The following ZRANB3 variants were observed in gnomAD, a reference collection of about 807,000 sequenced individuals.
ZRANB3 encodes the protein zinc finger RANBP2-type containing 3, also known as DNA annealing helicase and endonuclease ZRANB3.
In ZRANB3, 125 loss-of-function variants were observed where a neutral mutation model predicts 133.8. That is an observed-to-expected ratio of 0.93 (90% confidence interval 0.81 to 1.08). ZRANB3 has a LOEUF of 1.08. Among genes scored for constraint, ZRANB3 ranks in the 50% least tolerant of loss-of-function variants. ZRANB3 has a pLI of 0.00. For missense variants in ZRANB3, 1,229 were observed against 1,275.5 expected (o/e 0.96, Z 0.56); for synonymous variants, 387 against 432.7 (o/e 0.89, Z 1.31).
intron 12 of ZRANB3, among the ~76,000 whole-genome samples, chr2:135,239,270 G>A (rs1695442983): frequency 6.6e-6 from 1 of 152,110 alleles, no homozygotes; most frequent in African/African-American, 2.4e-5. Context: ...GAGAGTGATT[G>A]CTACATAATT....
At chr2:135,491,636 C>T (rs1204825588) in intron 2 of ZRANB3, among the ~76,000 whole-genome samples, 1 of 152,110 alleles carries the variant, frequency 6.6e-6, no homozygotes, top group Non-Finnish European at 1.5e-5. Context: ...GCCTCAGTGT[C>T]CCAGGTAGCT....
chr2:135,404,332 A>G (rs571166853), intron 2 of ZRANB3, among the ~76,000 whole-genome samples: 2 of 152,218 alleles, frequency 1.3e-5, no homozygotes, highest in Admixed American at 6.5e-5. Context: ...AATTCTATCA[A>G]CTGGAAGAAA....
chr2:135,202,431 C>G (rs956971509), intron 20 of ZRANB3: 1 of 153,150 alleles, frequency 6.5e-6, no homozygotes, highest in African/African-American at 2.4e-5. Context: ...GAAACCTTTG[C>G]ATGTTGAACT....
chr2:135,455,771 T>G (rs1317246107), intron 2 of ZRANB3, among the ~76,000 whole-genome samples: 2 of 151,626 alleles, frequency 1.3e-5, no homozygotes, highest in East Asian at 3.9e-4. Context: ...TCTTTTTGAA[T>G]TTTTAGTAGA....
Position 135,526,907 on chromosome 2 carries a change from T to C in ZRANB3, c.-8+4220A>G, listed in dbSNP as rs919047717. 2.6e-5 allele frequency among the ~76,000 whole-genome samples: 4 copies of C among 152,210 alleles called. No individual in the cohort carries two copies. In the South Asian group the frequency reaches 6.2e-4, roughly 24 times the overall value. On this transcript the variant is annotated intron_variant, in intron 1 of 20. Coordinates refer to ENST00000264159, the MANE Select transcript of ZRANB3 (RefSeq NM_032143.4). Reference sequence around the variant, plus strand: ...TAACCTGAGCATTCCTTTCTGTCAATCCCAGGTCTTCAAACAACCTCAACC... The same window carrying C: ...TAACCTGAGCATTCCTTTCTGTCAACCCCAGGTCTTCAAACAACCTCAACC...
intron 3 of ZRANB3, among the ~76,000 whole-genome samples, chr2:135,374,676 A>AT (rs2104903791): frequency 6.6e-6 from 1 of 151,952 alleles, no homozygotes; most frequent in African/African-American, 2.4e-5. Flanking sequence ...TAATTTTTGT[A>AT]TTTTTGGTAG....
chr2:135,517,189 T>C (rs1040447406), intron 1 of ZRANB3, among the ~76,000 whole-genome samples: 1 of 152,184 alleles, frequency 6.6e-6, no homozygotes, highest in Middle Eastern at 3.4e-3. Context: ...TTTTTCGAAG[T>C]TCTTAGCTTC....
intron 2 of ZRANB3, among the ~76,000 whole-genome samples, chr2:135,408,168 A>G (rs1421781740): frequency 3.3e-5 from 5 of 152,036 alleles, no homozygotes; most frequent in African/African-American, 4.8e-5. Flanking sequence ...GGCAAAGGAT[A>G]TGAACAGACA....
intron 2 of ZRANB3, among the ~76,000 whole-genome samples, chr2:135,474,168 G>C (rs185622188): frequency 9.4e-4 from 143 of 152,158 alleles, no homozygotes; most frequent in African/African-American, 3.3e-3. Context: ...TCTGGCCTGG[G>C]AGACAGATCA....
Position 135,198,448 on chromosome 2 carries a change from T to C in ZRANB3, c.*1894A>G, listed in dbSNP as rs1232072871. 6.6e-6 allele frequency: 1 copy of C among 152,254 alleles called. No individual in the cohort carries two copies. Among genetic ancestry groups the C allele is most frequent in the East Asian group, 1.9e-4 (1 of 5,198 alleles). 9.4% of individuals were successfully genotyped at this position (152,254 alleles called of 1,614,324 possible). On this transcript the variant is annotated 3_prime_UTR_variant, in exon 21 of 21. Transcript: ENST00000264159. ...TGTACAGCAAATGCTCAATGCTCCT[T>C]ACGGCATTTTTAATTAGTCAGAATT...
intron 2 of ZRANB3, among the ~76,000 whole-genome samples, chr2:135,436,076 G>A (rs942725903): frequency 2.2e-4 from 34 of 152,130 alleles, no homozygotes; most frequent in Admixed American, 2.2e-3. Context: ...GTCTAGGATT[G>A]TACTGCCTAG....
chr2:135,232,231 G>A (rs947650300), intron 12 of ZRANB3, among the ~76,000 whole-genome samples: 5 of 152,248 alleles, frequency 3.3e-5, no homozygotes, highest in African/African-American at 1.2e-4. Flanking sequence ...CAAGGCTGCA[G>A]TGAGGCTGGG....
At chr2:135,277,461 G>A (rs1294496759) in intron 8 of ZRANB3, among the ~76,000 whole-genome samples, 1 of 152,068 alleles carries the variant, frequency 6.6e-6, no homozygotes, top group Non-Finnish European at 1.5e-5. Context: ...CACATATACA[G>A]AGCTAAGAAA....
At chr2:135,344,700 G>A (rs1252148300) in intron 6 of ZRANB3, among the ~76,000 whole-genome samples, 2 of 152,118 alleles carry the variant, frequency 1.3e-5, no homozygotes, top group Non-Finnish European at 2.9e-5. Flanking sequence ...TTGTACCACT[G>A]CACTCCATCC....
chr2:135,387,847 C>A (rs1468827535), intron 3 of ZRANB3, among the ~76,000 whole-genome samples: 1 of 151,988 alleles, frequency 6.6e-6, no homozygotes, highest in Admixed American at 6.6e-5. Context: ...GTGAAAAGTG[C>A]TATGTAATTG....
At chr2:135,520,697 G>A (rs2104842098) in intron 1 of ZRANB3, among the ~76,000 whole-genome samples, 1 of 152,116 alleles carries the variant, frequency 6.6e-6, no homozygotes, top group Middle Eastern at 3.4e-3. Flanking sequence ...CAATTCTCCT[G>A]TCTCAGCCTC....
chr2:135,508,262 C>A (rs1244911498), intron 1 of ZRANB3, among the ~76,000 whole-genome samples: 1 of 152,076 alleles, frequency 6.6e-6, no homozygotes, highest in South Asian at 2.1e-4. Flanking sequence ...CTCAGCCTCA[C>A]GAGTAGCTGG....
At chr2:135,313,464 T>C (rs761669391) in intron 8 of ZRANB3, 25 bp downstream of exon 8, 4 of 1,461,838 alleles carry the variant, frequency 2.7e-6, no homozygotes, top group Admixed American at 3.5e-5. Context: ...TGAAGACAAA[T>C]ACATGATGGC....
At chr2:135,406,176 G>A (rs1688015900) in intron 2 of ZRANB3, among the ~76,000 whole-genome samples, 4 of 152,178 alleles carry the variant, frequency 2.6e-5, no homozygotes, top group South Asian at 2.1e-4. Context: ...AACTACCATA[G>A]GAGAATACTA....
Sources: gnomAD v4.1 joint callset for allele counts (sites outside exome capture counted in the v4.1 genomes callset) on GRCh38, gnomAD v4.1.1 for gene constraint, MANE v1.5 for transcripts, NCBI Gene and HGNC (gene_info 2026-07-23, HGNC 2026-07-21) for gene names.